Variants in GYPC observed in about 807,000 individuals in gnomAD.
The protein encoded by GYPC is glycophorin-C.
GYPC carries 14 observed loss-of-function variants against 12.6 expected under a neutral mutation model. The ratio of observed to expected loss-of-function variants is 1.11; its 90% confidence interval spans 0.74 to 1.74. The LOEUF (loss-of-function observed/expected upper bound fraction) is 1.74, where lower values mean the gene tolerates loss of function less well. Ranked by LOEUF, GYPC falls within the 40% of genes most tolerant of loss-of-function variation. The pLI is 0.00. For missense variants in GYPC, 225 were observed against 172.1 expected (o/e 1.31, Z -1.72); for synonymous variants, 78 against 62.1 (o/e 1.26, Z -1.20).
chr2:126,681,337 G>A (rs754715181), intron 1 of GYPC, among the ~76,000 whole-genome samples: 8 of 152,220 alleles, frequency 5.3e-5, no homozygotes, highest in Non-Finnish European at 1.2e-4. Context: ...ATAATACTGG[G>A]TCATATGGGG....
At chr2:126,693,775 C>G (rs1267500214) in intron 2 of GYPC, 89 bp from the exon 3 acceptor site, 1 of 882,098 alleles carries the variant, frequency 1.1e-6, no homozygotes, top group East Asian at 2.4e-5. Context: ...GCTGCTCACA[C>G]CTGAGCAAAG....
intron 1 of GYPC, among the ~76,000 whole-genome samples, chr2:126,683,210 T>G (rs1243759234): frequency 1.3e-5 from 2 of 151,976 alleles, no homozygotes; most frequent in African/African-American, 2.4e-5. Flanking sequence ...TCCCAGCTAC[T>G]CGGGAGGCTG....
chr2:126,666,317 C>G (rs540010913), intron 1 of GYPC, among the ~76,000 whole-genome samples: 3 of 152,216 alleles, frequency 2.0e-5, no homozygotes, highest in Non-Finnish European at 4.4e-5. Context: ...GGAACCACCC[C>G]TGGGCTGGCA....
chr2:126,676,946 A>G (rs1683008143), intron 1 of GYPC, among the ~76,000 whole-genome samples: 1 of 152,176 alleles, frequency 6.6e-6, no homozygotes, highest in African/African-American at 2.4e-5. Context: ...ATTGGAGGAC[A>G]AAGGAGGGTT....
At chr2:126,659,780 C>CTTTTTTTTTTTTTT (rs1203132482) in intron 1 of GYPC, among the ~76,000 whole-genome samples, 1 of 137,898 alleles carries the variant, frequency 7.3e-6, no homozygotes, top group Non-Finnish European at 1.6e-5. Context: ...TCTTTCTTTT[C>CTTTTTTTTTTTTTT]TTTTTTTTTT....
At chr2:126,673,716 A>C (rs944215189) in intron 1 of GYPC, among the ~76,000 whole-genome samples, 2 of 152,238 alleles carry the variant, frequency 1.3e-5, no homozygotes, top group Admixed American at 6.5e-5. Context: ...TTTAGGTACC[A>C]TAATTTTAAG....
At chr2:126,658,477 C>T (rs1233092164) in intron 1 of GYPC, 1 of 152,250 alleles carries the variant, frequency 6.6e-6, no homozygotes, top group African/African-American at 2.4e-5. Context: ...GTCAGTTTGC[C>T]TCTTCAGGTG....
chr2:126,658,874 A>G (rs1288096258), intron 1 of GYPC: 3 of 152,028 alleles, frequency 2.0e-5, no homozygotes, highest in Admixed American at 6.5e-5. Flanking sequence ...CTGTATGCAG[A>G]CTTCATTTAA....
In GYPC at chr2:126,684,692, G is replaced by A. The variant is rs28387186; in HGVS notation, c.50-5563G>A. On this transcript the variant is annotated intron_variant, in intron 1 of 3. Coordinates refer to ENST00000259254, the MANE Select transcript of GYPC (RefSeq NM_002101.5). ...CTTGGCCTTAACGGTGGAGCATATGGCTGGAGCGTAGAAGGTGCTACAAAA... is the reference window on the plus strand; with the variant it reads ...CTTGGCCTTAACGGTGGAGCATATGACTGGAGCGTAGAAGGTGCTACAAAA... 2.7e-3 allele frequency among the ~76,000 whole-genome samples: 411 copies of A among 152,314 alleles called. 4 individuals carry two copies. Among genetic ancestry groups the A allele is most frequent in the African/African-American group, 9.5e-3 (393 of 41,580 alleles).
At chr2:126,661,441 C>T (rs1483985998) in intron 1 of GYPC, among the ~76,000 whole-genome samples, 1 of 151,602 alleles carries the variant, frequency 6.6e-6, no homozygotes, top group Non-Finnish European at 1.5e-5. Flanking sequence ...GCCAGATGCC[C>T]CTTCTCTCTC....
At chr2:126,682,548 C>T (rs1683178390) in intron 1 of GYPC, among the ~76,000 whole-genome samples, 2 of 152,156 alleles carry the variant, frequency 1.3e-5, no homozygotes, top group Admixed American at 6.5e-5. Flanking sequence ...ATGGTATCTC[C>T]CGCTTCTCCC....
intron 1 of GYPC, chr2:126,686,622 T>C (rs1292341700): frequency 2.0e-6 from 2 of 982,540 alleles, no homozygotes; most frequent in East Asian, 1.1e-4. Flanking sequence ...AAGACAAGCC[T>C]GAACGTGTGG....
At chr2:126,658,848 C>T (rs920648301) in intron 1 of GYPC, 2 of 152,132 alleles carry the variant, frequency 1.3e-5, no homozygotes, top group African/African-American at 2.4e-5. Flanking sequence ...AGTTCCTCTG[C>T]TGATGGGCAT....
At chr2:126,672,606 A>AC (rs909615650) in intron 1 of GYPC, among the ~76,000 whole-genome samples, 10 of 152,040 alleles carry the variant, frequency 6.6e-5, no homozygotes, top group African/African-American at 2.4e-4. Context: ...ATGTGCATGG[A>AC]CCCCTCAACC....
chr2:126,678,978 T>C (rs1683087352), intron 1 of GYPC: 1 of 152,224 alleles, frequency 6.6e-6, no homozygotes, highest in African/African-American at 2.4e-5. Flanking sequence ...ATGAGCCTTC[T>C]GGAAACCCAA....
intron 1 of GYPC, 79 bp from the exon 2 acceptor site, chr2:126,690,176 G>C: frequency 9.8e-7 from 1 of 1,021,336 alleles, no homozygotes; most frequent in Non-Finnish European, 1.6e-6. Context: ...CCTGAGCAAA[G>C]GATGCAGCTT....
At chr2:126,663,950 GTCTCTCTCTCTCTCTCTCTCTCTC>G (rs61649506) in intron 1 of GYPC, among the ~76,000 whole-genome samples, 6,054 of 129,760 alleles carry the variant, frequency 0.047, 153 homozygotes, top group Middle Eastern at 0.064. Flanking sequence ...TAAGGTTCTG[GTCTCTCTCTCTCTCTCTCTCTCTC>G]TCTCTCTCTC....
At chr2:126,667,170 A>G (rs752496907) in intron 1 of GYPC, among the ~76,000 whole-genome samples, 3 of 152,010 alleles carry the variant, frequency 2.0e-5, no homozygotes, top group Non-Finnish European at 2.9e-5. Flanking sequence ...GAGACAGAGG[A>G]TTTAGAGATA....
intron 1 of GYPC, among the ~76,000 whole-genome samples, chr2:126,671,171 C>T (rs919375535): frequency 2.0e-5 from 3 of 152,202 alleles, no homozygotes; most frequent in Non-Finnish European, 4.4e-5. Flanking sequence ...CCTGACCTTC[C>T]ACTGCCCAGG....
Sources: gnomAD v4.1 joint callset for allele counts (sites outside exome capture counted in the v4.1 genomes callset) on GRCh38, gnomAD v4.1.1 for gene constraint, MANE v1.5 for transcripts, NCBI Gene and HGNC (gene_info 2026-07-23, HGNC 2026-07-21) for gene names.